CELF2: variants seen among roughly 807,000 people sequenced by gnomAD.
CELF2 encodes CUG triplet repeat RNA-binding protein 2.
CELF2 carries 8 observed loss-of-function variants against 62.6 expected under a neutral mutation model. The ratio of observed to expected loss-of-function variants is 0.13; its 90% CI spans 0.07 to 0.23. The LOEUF is 0.23. CELF2 is among the 10% of genes least tolerant of loss of function. CELF2 has a pLI of 1.00. For synonymous variants in CELF2, 258 were observed against 250.0 expected (o/e 1.03, Z -0.30); for missense variants, 333 against 671.0 (o/e 0.50, Z 5.56).
chr10:11,191,553 C>T lies in CELF2; in HGVS notation c.271+25871C>T, dbSNP rs926471333. On this transcript the variant is annotated intron_variant, in intron 2 of 12. Transcript: ENST00000633077. The surrounding 1 kb of genome is among the most constrained non-coding windows in gnomAD (Gnocchi z 4.1). ...AAGGGGGCATACAACAGGGACACCACCTTGAAATCTGAAGTCACTGAGTAG... is the reference window on the plus strand; with the variant it reads ...AAGGGGGCATACAACAGGGACACCATCTTGAAATCTGAAGTCACTGAGTAG... 2.6e-5 allele frequency among the ~76,000 whole-genome samples: 4 copies of T among 152,118 alleles called. No individual in the cohort carries two copies. Among genetic ancestry groups the T allele is most frequent in the Admixed American group, 1.3e-4 (2 of 15,286 alleles).
the CELF2 span, among the ~76,000 whole-genome samples, chr10:10,779,352 C>T: frequency 2.6e-5 from 4 of 152,180 alleles, no homozygotes; most frequent in Admixed American, 6.5e-5. Flanking sequence ...AATATGAGGA[C>T]CCTGCACTTC....
intron 1 of CELF2, among the ~76,000 whole-genome samples, chr10:11,151,944 TACACA>T (rs1394092774): frequency 6.6e-6 from 1 of 152,236 alleles, no homozygotes; most frequent in Non-Finnish European, 1.5e-5. Context: ...TGGGGCAGTC[TACACA>T]AGCCTTTCAG....
chr10:11,324,437 C>T lies in CELF2; in HGVS notation c.1295-1399C>T, dbSNP rs189051730. Among the ~76,000 whole-genome samples the T allele has an allele frequency of 2.5e-3, 385 of 152,284 alleles. 1 individual carries two copies. Among genetic ancestry groups the T allele is most frequent in the African/African-American group, 8.6e-3 (359 of 41,558 alleles). On this transcript the variant is annotated intron_variant, in intron 11 of 12. Coordinates refer to ENST00000633077, the MANE Select transcript of CELF2 (RefSeq NM_001326342.2). This position sits in a 1 kb window ranked among gnomAD's most constrained non-coding sequence, Gnocchi z 4.7. ...TGTTAAATTTTGATTCCCTTAAAAC[C>T]AGAAAACATCTGGGGACCAAAGGCC...
chr10:11,234,460 A>G (rs938789009), intron 3 of CELF2, among the ~76,000 whole-genome samples: 1 of 152,192 alleles, frequency 6.6e-6, no homozygotes, highest in African/African-American at 2.4e-5. Flanking sequence ...AGGCGGGTGG[A>G]TCACGAGGTC....
the CELF2 span, chr10:10,776,637 C>A: frequency 6.0e-6 from 1 of 167,314 alleles, no homozygotes; most frequent in African/African-American, 2.4e-5. Context: ...GGATTCACTT[C>A]ACTGTGGGCC....
At position 11,191,991 on chromosome 10, in the gene CELF2, T is replaced by A. The variant is rs139177232; in HGVS notation, c.272-25434T>A. 1.3e-5 allele frequency among the ~76,000 whole-genome samples: 2 copies of A among 152,304 alleles called. No homozygotes were observed. Among genetic ancestry groups the A allele is most frequent in the Non-Finnish European group, 2.9e-5 (2 of 68,022 alleles). On this transcript the variant is annotated intron_variant, in intron 2 of 12. Transcript: ENST00000633077. This position sits in a 1 kb window ranked among gnomAD's most constrained non-coding sequence, Gnocchi z 4.1. ...TCAGTGTCATTTTATGGGTTATTGC[T>A]GTTTTCCCAGAATAGCCAATTAGTA... is the stretch of plus-strand genomic sequence containing the variant.
intron 1 of CELF2, among the ~76,000 whole-genome samples, chr10:10,858,930 A>T (rs1203651501): frequency 1.3e-5 from 2 of 152,190 alleles, no homozygotes. Flanking sequence ...ATAAATTAAC[A>T]CTAGGACAGT....
At chr10:10,994,359 G>A (rs1036069510) in intron 2 of CELF2, among the ~76,000 whole-genome samples, 1 of 152,182 alleles carries the variant, frequency 6.6e-6, no homozygotes, top group African/African-American at 2.4e-5. Flanking sequence ...TGTATTCAGA[G>A]AGGATTCTCA....
At chr10:10,989,812 T>C (rs1472778325) in intron 2 of CELF2, among the ~76,000 whole-genome samples, 1 of 152,038 alleles carries the variant, frequency 6.6e-6, no homozygotes, top group African/African-American at 2.4e-5. Flanking sequence ...AAAAACAGTT[T>C]ATGACTAAAG....
At chr10:10,835,986 G>A (rs1235730723) in intron 1 of CELF2, among the ~76,000 whole-genome samples, 2 of 152,124 alleles carry the variant, frequency 1.3e-5, no homozygotes, top group African/African-American at 4.8e-5. Flanking sequence ...GAAGTGGAGG[G>A]AGGGGAGGTT....
At chr10:11,103,894 A>G (rs780144378) in intron 1 of CELF2, among the ~76,000 whole-genome samples, 5 of 152,210 alleles carry the variant, frequency 3.3e-5, no homozygotes, top group South Asian at 2.1e-4. Flanking sequence ...AAATTATTGC[A>G]TATTTTAAAA....
chr10:11,303,851 C>T (rs1039777291), intron 9 of CELF2, among the ~76,000 whole-genome samples: 1 of 152,190 alleles, frequency 6.6e-6, no homozygotes, highest in African/African-American at 2.4e-5. Flanking sequence ...AATTCTGGCT[C>T]TGCCACTGAG....
At chr10:11,051,348 TA>T (rs2063879653) in intron 1 of CELF2, among the ~76,000 whole-genome samples, 1 of 152,204 alleles carries the variant, frequency 6.6e-6, no homozygotes. Context: ...AACTAAAACA[TA>T]GAGTTCTCTT....
intron 1 of CELF2, among the ~76,000 whole-genome samples, chr10:11,064,409 T>C (rs2067550747): frequency 6.6e-6 from 1 of 152,216 alleles, no homozygotes; most frequent in South Asian, 2.1e-4. Flanking sequence ...CCTATTATGA[T>C]GAAAGAAACA....
At chr10:11,323,463 T>C (rs1444173385) in intron 11 of CELF2, among the ~76,000 whole-genome samples, 3 of 148,806 alleles carry the variant, frequency 2.0e-5, no homozygotes, top group Non-Finnish European at 4.5e-5. Flanking sequence ...ATAATAATAA[T>C]GAATTCCAGA....
the CELF2 span, among the ~76,000 whole-genome samples, chr10:10,635,469 C>A: frequency 1.9e-4 from 29 of 152,146 alleles, no homozygotes; most frequent in African/African-American, 7.0e-4. Context: ...GGCTTACTTC[C>A]TTGAATTTGT....
chr10:11,107,090 G>C (rs778412986), intron 1 of CELF2, among the ~76,000 whole-genome samples: 14 of 152,320 alleles, frequency 9.2e-5, no homozygotes, highest in Non-Finnish European at 1.6e-4. Flanking sequence ...TGTACTAAGG[G>C]AGCTGCGTGG....
intron 1 of CELF2, among the ~76,000 whole-genome samples, chr10:11,090,601 C>A (rs1028404194): frequency 6.6e-6 from 1 of 152,028 alleles, no homozygotes; most frequent in African/African-American, 2.4e-5. Flanking sequence ...TATATATAAT[C>A]TTGAAAAATT....
rs532896643 is a variant in CELF2 at position 11,196,881 on chromosome 10, C to G, written c.272-20544C>G. ...GGCTGAGGCAGGAGAATGACTTGAACCTGGGAGGCGGAGGTTGCAGTGAGC... is the reference window on the plus strand; with the variant it reads ...GGCTGAGGCAGGAGAATGACTTGAAGCTGGGAGGCGGAGGTTGCAGTGAGC... On this transcript the variant is annotated intron_variant, in intron 2 of 12. Coordinates refer to ENST00000633077, the MANE Select transcript of CELF2 (RefSeq NM_001326342.2). Among the ~76,000 whole-genome samples, 5 of 150,804 alleles carry G rather than the reference C, an allele frequency of 3.3e-5. No individual in the cohort carries two copies. The East Asian group carries it at 9.8e-4, about 29-fold the overall frequency.
Sources: allele counts gnomAD v4.1 joint callset (sites outside exome capture counted in the v4.1 genomes callset), GRCh38; gene constraint gnomAD v4.1.1; non-coding constraint Gnocchi (gnomAD v3.1); transcripts MANE v1.5; gene names NCBI Gene and HGNC (gene_info 2026-07-23, HGNC 2026-07-21).